MTA3: variants seen among roughly 807,000 people sequenced by gnomAD.
MTA3 encodes metastasis-associated protein MTA3.
Under a neutral mutation model 83.5 loss-of-function variants are expected in MTA3, and 34 were observed. That is an observed-to-expected ratio of 0.41 (90% CI 0.31 to 0.54). The LOEUF is 0.54. Among genes scored for constraint, MTA3 ranks in the 20% least tolerant of loss-of-function variants. MTA3 has a pLI of 0.33. For missense variants in MTA3, 761 were observed against 726.4 expected (o/e 1.05, Z -0.55); for synonymous variants, 303 against 252.7 (o/e 1.20, Z -1.89).
chr2:42,751,226 A>G (rs115373659), intron 16 of MTA3, among the ~76,000 whole-genome samples: 1,693 of 152,314 alleles, frequency 0.011, 27 homozygotes, highest in African/African-American at 0.038. Context: ...TGAGTAGTCA[A>G]ACCATTAGGG....
At chr2:42,583,889 T>C (rs1040814205) in intron 3 of MTA3, among the ~76,000 whole-genome samples, 6 of 151,596 alleles carry the variant, frequency 4.0e-5, no homozygotes, top group African/African-American at 1.5e-4. Context: ...TTGCCCAGGC[T>C]GGAGTGCAGT....
At chr2:42,530,586 C>G (rs1321170435) in intron 2 of MTA3, among the ~76,000 whole-genome samples, 3 of 151,812 alleles carry the variant, frequency 2.0e-5, no homozygotes, top group Non-Finnish European at 4.4e-5. Flanking sequence ...GAGTTTGAGA[C>G]CAGTCTGACC....
chr2:42,562,521 T>C (rs1312989993), intron 2 of MTA3, among the ~76,000 whole-genome samples: 1 of 152,186 alleles, frequency 6.6e-6, no homozygotes, highest in African/African-American at 2.4e-5. Flanking sequence ...CTAGTCCTAG[T>C]GAGATGGTCA....
chr2:42,678,397 G>A lies in MTA3; in HGVS notation c.703-4004G>A, dbSNP rs951033880. On this transcript the variant is annotated intron_variant, in intron 8 of 16. Transcript: ENST00000405094. ...CTGCCGCCCAGGCTGGAGTGCAGTG[G>A]CGTGATCTCGGCTCACTGCTACTTC... is the stretch of plus-strand genomic sequence containing the variant. 3.3e-5 allele frequency among the ~76,000 whole-genome samples: 5 copies of A among 152,078 alleles called. No individual in the cohort carries two copies. In the South Asian group the frequency reaches 1.0e-3, roughly 32 times the overall value.
At chr2:42,739,626 A>C (rs1442534232) in intron 16 of MTA3, among the ~76,000 whole-genome samples, 1 of 151,922 alleles carries the variant, frequency 6.6e-6, no homozygotes, top group African/African-American at 2.4e-5. Flanking sequence ...ACATCAGTGG[A>C]CTCTTCCTTT....
intron 8 of MTA3, among the ~76,000 whole-genome samples, chr2:42,661,166 AGTT>A (rs1486806371): frequency 6.6e-6 from 1 of 152,166 alleles, no homozygotes; most frequent in Non-Finnish European, 1.5e-5. Flanking sequence ...TTTGTATTTC[AGTT>A]GTTTAGAGCT....
intron 8 of MTA3, among the ~76,000 whole-genome samples, chr2:42,662,784 T>G (rs1573525020): frequency 6.7e-6 from 1 of 149,988 alleles, no homozygotes; most frequent in South Asian, 2.1e-4. Context: ...CAGGCTGGAG[T>G]GCAGTGGTGC....
At chr2:42,525,479 C>CTTCCTTCCTTCCTTCCTTCT (rs771708996) in intron 2 of MTA3, among the ~76,000 whole-genome samples, 2,264 of 146,342 alleles carry the variant, frequency 0.015, 48 homozygotes, top group South Asian at 0.062. Context: ...GGATCAATTC[C>CTTCCTTCCTTCCTTCCTTCT]TTCCTTCCTT....
intron 16 of MTA3, among the ~76,000 whole-genome samples, chr2:42,749,452 T>A (rs915762135): frequency 6.6e-6 from 1 of 152,178 alleles, no homozygotes. Flanking sequence ...CAAACAGTTG[T>A]TCTTTTTTAA....
chr2:42,689,972 A>G (rs1343648068), intron 9 of MTA3, among the ~76,000 whole-genome samples: 2 of 146,562 alleles, frequency 1.4e-5, no homozygotes, highest in South Asian at 2.1e-4. Context: ...TTTTCCTAGT[A>G]TCTTCTTATT....
chr2:42,638,167 G>C (rs1278822815), intron 4 of MTA3, among the ~76,000 whole-genome samples: 1 of 151,968 alleles, frequency 6.6e-6, no homozygotes, highest in African/African-American at 2.4e-5. Context: ...CTAGGTGATT[G>C]AGTATCAAAT....
chr2:42,592,961 A>G (rs2141549), intron 3 of MTA3, among the ~76,000 whole-genome samples: 113,445 of 151,032 alleles, frequency 0.75, 42,950 homozygotes, highest in South Asian at 0.88. Context: ...GACCAGCCTG[A>G]CCAATATGGT....
At chr2:42,695,966 C>A in intron 10 of MTA3, 127 bp downstream of exon 10, 1 of 587,990 alleles carries the variant, frequency 1.7e-6, no homozygotes, top group Non-Finnish European at 3.0e-6. Flanking sequence ...CTACTTTAAA[C>A]TACATGATTT....
chr2:42,696,812 C>T (rs985605777), intron 10 of MTA3, among the ~76,000 whole-genome samples: 1 of 152,146 alleles, frequency 6.6e-6, no homozygotes, highest in African/African-American at 2.4e-5. Flanking sequence ...AATAGATACT[C>T]ATGGCTTGTT....
intron 2 of MTA3, among the ~76,000 whole-genome samples, chr2:42,502,409 A>G (rs1302262527): frequency 6.6e-6 from 1 of 152,194 alleles, no homozygotes; most frequent in East Asian, 1.9e-4. Context: ...TCTGAAAAAC[A>G]ACTCAGGGAC....
At chr2:42,685,374 G>A (rs1425875514) in intron 9 of MTA3, among the ~76,000 whole-genome samples, 1 of 152,162 alleles carries the variant, frequency 6.6e-6, no homozygotes, top group Non-Finnish European at 1.5e-5. Flanking sequence ...ATAGACATCA[G>A]ATCGGGCCTC....
chr2:42,551,085 A>AATT (rs1558430340), intron 2 of MTA3, among the ~76,000 whole-genome samples: 40 of 150,416 alleles, frequency 2.7e-4, no homozygotes, highest in Middle Eastern at 3.4e-3. Context: ...ATAAATAAAT[A>AATT]AATTAAAATT....
intron 4 of MTA3, among the ~76,000 whole-genome samples, chr2:42,629,532 C>G (rs1160592991): frequency 6.6e-6 from 1 of 152,134 alleles, no homozygotes; most frequent in Non-Finnish European, 1.5e-5. Context: ...CAGGTTGCAG[C>G]AAAGAAGGAG....
chr2:42,617,805 T>TA (rs1363802994), intron 4 of MTA3, among the ~76,000 whole-genome samples: 1 of 151,634 alleles, frequency 6.6e-6, no homozygotes. Flanking sequence ...ATGCGTAAAA[T>TA]AAAATTTGCA....
Sources: gnomAD v4.1 joint callset for allele counts (sites outside exome capture counted in the v4.1 genomes callset) on GRCh38, gnomAD v4.1.1 for gene constraint, MANE v1.5 for transcripts, NCBI Gene and HGNC (gene_info 2026-07-23, HGNC 2026-07-21) for gene names.